The following DUSP10 variants were observed in gnomAD, a reference collection of about 807,000 sequenced individuals.
The protein encoded by DUSP10 is dual specificity phosphatase 10.
A neutral mutation model predicts 30.8 loss-of-function variants in DUSP10; 14 were observed. The ratio of observed to expected loss-of-function variants is 0.46; its 90% CI spans 0.30 to 0.71. The LOEUF is 0.71. DUSP10 is among the 30% of genes least tolerant of loss of function. The pLI, the probability that DUSP10 is intolerant of heterozygous loss-of-function variation, is 0.08. For missense variants in DUSP10, 550 were observed against 619.4 expected, an observed-to-expected ratio of 0.89 and a Z score of 1.19; for synonymous variants, 254 against 250.4, an observed-to-expected ratio of 1.01 and a Z score of -0.14.
At chr1:221,708,363 G>T (rs1042550000) in intron 2 of DUSP10, among the ~76,000 whole-genome samples, 1 of 152,198 alleles carries the variant, frequency 6.6e-6, no homozygotes, top group East Asian at 1.9e-4. Context: ...AACCTAGACC[G>T]AGTCTCATGA....
rs1474368261 is a variant in DUSP10 at position 221,739,675 on chromosome 1, T to A, written c.70A>T (p.Asn24Tyr). 1 of 1,613,936 alleles carries A rather than the reference T, an allele frequency of 6.2e-7. No homozygotes were observed. The highest frequency in any genetic ancestry group is 1.7e-5 in the Admixed American group (1 of 59,974). ...AGGTAACTAGAGTCTAAACAAAGGT[T>A]GAGATCCTGAGGTCGGACGGGCCTA... ...LSRPVRPQDL[N>Y]LCLDSSYLGS... The change falls in exon 2 of 4, where the codon AAC becomes TAC. Residue 24 changes from asparagine (N) to tyrosine (Y), a missense_variant. Coordinates refer to ENST00000366899, the MANE Select transcript of DUSP10 (RefSeq NM_007207.6).
chr1:221,713,042 C>A (rs1448169443), intron 2 of DUSP10, among the ~76,000 whole-genome samples: 1 of 152,202 alleles, frequency 6.6e-6, no homozygotes, highest in South Asian at 2.1e-4. Flanking sequence ...CTAACTAGCA[C>A]TGGAGGTAGT....
At chr1:221,727,267 G>A (rs1361025676) in intron 2 of DUSP10, among the ~76,000 whole-genome samples, 1 of 152,178 alleles carries the variant, frequency 6.6e-6, no homozygotes, top group African/African-American at 2.4e-5. Context: ...GAAAGGTAAT[G>A]AGAAAAATTA....
Position 221,702,165 on chromosome 1 carries a change from T to C in DUSP10, c.*247A>G. 1 of 477,650 alleles carries C rather than the reference T, an allele frequency of 2.1e-6. No individual in the cohort carries two copies. The highest frequency in any genetic ancestry group is 3.7e-6 in the Non-Finnish European group (1 of 268,768). 29.6% of individuals were successfully genotyped at this position (477,650 alleles called of 1,614,324 possible). A position where few individuals can be genotyped will look rare whatever the true frequency, so the allele number is the denominator to read the frequency against. On this transcript the variant is annotated 3_prime_UTR_variant, in exon 4 of 4. Coordinates refer to ENST00000366899, the MANE Select transcript of DUSP10 (RefSeq NM_007207.6). The surrounding 1 kb of genome is among the most constrained non-coding windows in gnomAD (Gnocchi z 4.5). ...GAAACAAGTTGTATTATATTTTTAT[T>C]GTTGGCTTAAAAAAATTACTTCTTT...
At chr1:221,724,082 T>G (rs1355181553) in intron 2 of DUSP10, among the ~76,000 whole-genome samples, 1 of 152,226 alleles carries the variant, frequency 6.6e-6, no homozygotes, top group East Asian at 1.9e-4. Context: ...TCCAAGGGTT[T>G]AGAAATTATT....
At position 221,723,105 on chromosome 1, in the gene DUSP10, A is replaced by T. The variant is rs113323699; in HGVS notation, c.811+15829T>A. On this transcript the variant is annotated intron_variant, in intron 2 of 3. Transcript: ENST00000366899. Reference sequence around the variant, plus strand: ...TACTTAAGAATCCCTGGTGTCAAAGAGGGGCCAACACATATGTTTGTCACC... The same window carrying T: ...TACTTAAGAATCCCTGGTGTCAAAGTGGGGCCAACACATATGTTTGTCACC... Among the ~76,000 whole-genome samples, 482 of 152,304 alleles carry T rather than the reference A, an allele frequency of 3.2e-3. 3 individuals are homozygous for T. The highest frequency in any genetic ancestry group is 0.011 in the African/African-American group (463 of 41,560).
chr1:221,719,246 A>T (rs529061407), intron 2 of DUSP10, among the ~76,000 whole-genome samples: 1 of 152,336 alleles, frequency 6.6e-6, no homozygotes, highest in Admixed American at 6.5e-5. Flanking sequence ...GCATAGCAAC[A>T]ACTTCCTCAA....
intron 2 of DUSP10, among the ~76,000 whole-genome samples, chr1:221,713,373 G>A (rs1661001999): frequency 2.0e-5 from 3 of 152,040 alleles, no homozygotes; most frequent in South Asian, 4.2e-4. Context: ...ATTATATTTA[G>A]TTCTTTATGT....
chr1:221,737,059 C>T (rs1661797108), intron 2 of DUSP10: 1 of 985,438 alleles, frequency 1.0e-6, no homozygotes, highest in African/African-American at 1.7e-5. Flanking sequence ...AGGATCCTCA[C>T]TTTCACAAGT....
chr1:221,738,227 ACTCC>A (rs1480511480), intron 2 of DUSP10, among the ~76,000 whole-genome samples: 1 of 152,070 alleles, frequency 6.6e-6, no homozygotes, highest in Non-Finnish European at 1.5e-5. Flanking sequence ...GTGACCCATT[ACTCC>A]ATCTTGGGAG....
At chr1:221,735,851 A>G (rs10863651) in intron 2 of DUSP10, among the ~76,000 whole-genome samples, 76,554 of 152,014 alleles carry the variant, frequency 0.5, 19,984 homozygotes, top group Middle Eastern at 0.62. Flanking sequence ...GAATTGTTCA[A>G]CTTTCTTACT....
intron 2 of DUSP10, among the ~76,000 whole-genome samples, chr1:221,718,197 C>T (rs890227070): frequency 1.3e-4 from 20 of 152,056 alleles, no homozygotes; most frequent in African/African-American, 4.3e-4. Context: ...CCTTGTAGAA[C>T]CTTAGTTCCA....
chr1:221,708,223 T>C (rs1424723394), intron 2 of DUSP10, among the ~76,000 whole-genome samples: 2 of 152,198 alleles, frequency 1.3e-5, no homozygotes, highest in Non-Finnish European at 2.9e-5. Context: ...ACCCAAAGCA[T>C]GAACAAGAGA....
Position 221,723,921 on chromosome 1 carries a change from A to G in DUSP10, c.811+15013T>C, listed in dbSNP as rs151147903. On this transcript the variant is annotated intron_variant, in intron 2 of 3. Coordinates refer to ENST00000366899, the MANE Select transcript of DUSP10 (RefSeq NM_007207.6). ...CAGTCCCACTCTCTTCTGCTGAAGA[A>G]GATGAACTAATACAAAGCCCTGACC... is the stretch of plus-strand genomic sequence containing the variant. Among the ~76,000 whole-genome samples, 462 of 152,366 alleles carry G rather than the reference A, an allele frequency of 3.0e-3. 3 individuals are homozygous for G. The highest frequency in any genetic ancestry group is 0.014 in the Middle Eastern group (4 of 294).
Position 221,702,559 on chromosome 1 carries a change from A to C in DUSP10, c.1302T>G (p.Ala434=), listed in dbSNP as rs1660638126. The change falls in exon 4 of 4, where the codon GCT becomes GCG. Residue 434 remains alanine, a synonymous_variant. Transcript: ENST00000366899. The surrounding 1 kb of genome is among the most constrained non-coding windows in gnomAD (Gnocchi z 4.5). ...MKHTRMTMTD[A]YKFVKGKRPI... ...GTCGTTTGCCTTTGACAAATTTATA[A>C]GCATCAGTCATGGTCATCCGAGTGT... is the stretch of plus-strand genomic sequence containing the variant. 1 of 1,614,202 alleles carries C rather than the reference A, an allele frequency of 6.2e-7. No homozygotes were observed. Among genetic ancestry groups the C allele is most frequent in the Non-Finnish European group, 8.5e-7 (1 of 1,180,044 alleles).
Position 221,739,254 on chromosome 1 carries a change from T to C in DUSP10, c.491A>G (p.Lys164Arg), listed in dbSNP as rs1661876782. Residue 164 changes from lysine (K) to arginine (R), a missense_variant, in exon 2 of 4, where the codon AAG becomes AGG. Coordinates refer to ENST00000366899, the MANE Select transcript of DUSP10 (RefSeq NM_007207.6). ...DLAKKMTKCS[K>R]SHLPSQGPVI... ...AGGGCCCTGACTCGGCAGGTGACTCTTGCTGCATTTGGTCATCTTCTTTGC... is the reference window on the plus strand; with the variant it reads ...AGGGCCCTGACTCGGCAGGTGACTCCTGCTGCATTTGGTCATCTTCTTTGC... 6.2e-7 allele frequency: 1 copy of C among 1,614,222 alleles called. No individual in the cohort carries two copies. Among genetic ancestry groups the C allele is most frequent in the South Asian group, 1.1e-5 (1 of 91,082 alleles).
intron 2 of DUSP10, among the ~76,000 whole-genome samples, chr1:221,724,913 C>T (rs1004617338): frequency 2.0e-5 from 3 of 152,192 alleles, no homozygotes; most frequent in African/African-American, 7.2e-5. Flanking sequence ...TTTATTTCAG[C>T]ACTCCAACAT....
At position 221,739,076 on chromosome 1, in the gene DUSP10, G is replaced by A. The variant is rs940528750; in HGVS notation, c.669C>T (p.Asp223=). 1.9e-6 allele frequency: 3 copies of A among 1,614,086 alleles called. No homozygotes were observed. The highest frequency in any genetic ancestry group is 2.7e-5 in the African/African-American group (2 of 74,904). The change falls in exon 2 of 4, where the codon GAC becomes GAT. Residue 223 remains aspartate, a synonymous_variant. Coordinates refer to ENST00000366899, the MANE Select transcript of DUSP10 (RefSeq NM_007207.6). ...CTTTGGAAAAGATCCTCTTGAAAGAGTCCTTGCCTTCCCTACAGGAAATCA... is the reference window on the plus strand; with the variant it reads ...CTTTGGAAAAGATCCTCTTGAAAGAATCCTTGCCTTCCCTACAGGAAATCA... ...LDLISCREGK[D]SFKRIFSKEI... is the part of the protein sequence containing the mutation.
At chr1:221,708,552 C>T (rs993892472) in intron 2 of DUSP10, among the ~76,000 whole-genome samples, 8 of 152,150 alleles carry the variant, frequency 5.3e-5, no homozygotes, top group Non-Finnish European at 8.8e-5. Flanking sequence ...GAGCTATATA[C>T]GAATTTCAGT....
Sources: allele counts gnomAD v4.1 joint callset (sites outside exome capture counted in the v4.1 genomes callset), GRCh38; gene constraint gnomAD v4.1.1; non-coding constraint Gnocchi (gnomAD v3.1); transcripts MANE v1.5; gene names NCBI Gene and HGNC (gene_info 2026-07-23, HGNC 2026-07-21).